PRKAR1B: variants seen among roughly 807,000 people sequenced by gnomAD.
The protein encoded by PRKAR1B is cAMP-dependent protein kinase type I-beta regulatory subunit.
PRKAR1B carries 22 observed loss-of-function variants against 46.5 expected under a neutral mutation model. The ratio of observed to expected loss-of-function variants is 0.47; its 90% CI spans 0.34 to 0.68. The LOEUF is 0.68. Among genes scored for constraint, PRKAR1B ranks in the 30% least tolerant of loss-of-function variants. PRKAR1B has a pLI of 0.01. For missense variants in PRKAR1B, 445 were observed against 535.6 expected, an observed-to-expected ratio of 0.83 and a Z score of 1.67; for synonymous variants, 259 against 217.7, an observed-to-expected ratio of 1.19 and a Z score of -1.67.
chr7:597,983 G>A (rs1781362127), intron 6 of PRKAR1B, among the ~76,000 whole-genome samples: 1 of 152,190 alleles, frequency 6.6e-6, no homozygotes, highest in Non-Finnish European at 1.5e-5. Flanking sequence ...AGAGGGATCC[G>A]GAGCTCACCC....
intron 4 of PRKAR1B, among the ~76,000 whole-genome samples, chr7:660,475 A>ACC (rs1785453255): frequency 1.7e-5 from 1 of 60,218 alleles, no homozygotes; most frequent in Non-Finnish European, 3.4e-5. Context: ...CTCTGCCCCC[A>ACC]ATGCCACAGG....
chr7:632,851 C>CCACAGG (rs112150908), intron 4 of PRKAR1B, among the ~76,000 whole-genome samples: 104,204 of 151,564 alleles, frequency 0.69, 36,171 homozygotes, highest in South Asian at 0.87. Flanking sequence ...GTGTGCCCAG[C>CCACAGG]CACAGCCTCA....
chr7:612,886 G>C (rs1019897559), intron 4 of PRKAR1B, among the ~76,000 whole-genome samples: 1 of 152,120 alleles, frequency 6.6e-6, no homozygotes, highest in South Asian at 2.1e-4. Context: ...ATTCACCGAA[G>C]CACTGTCAGC....
At chr7:693,228 T>C (rs116388265) in intron 2 of PRKAR1B, among the ~76,000 whole-genome samples, 4,950 of 149,114 alleles carry the variant, frequency 0.033, 311 homozygotes, top group African/African-American at 0.12. Context: ...AGCCAGTGGG[T>C]CCTGTCGAGC....
chr7:631,383 A>G (rs1783728268), intron 4 of PRKAR1B, among the ~76,000 whole-genome samples: 1 of 152,198 alleles, frequency 6.6e-6, no homozygotes, highest in South Asian at 2.1e-4. Context: ...TCAGGCCCAG[A>G]CAGGGGTGGT....
At chr7:638,476 G>C (rs895230120) in intron 4 of PRKAR1B, among the ~76,000 whole-genome samples, 2 of 152,140 alleles carry the variant, frequency 1.3e-5, no homozygotes, top group African/African-American at 4.8e-5. Context: ...CTCTCCCCGA[G>C]GGTCTCTCCT....
At chr7:715,930 T>A (rs1027901691) in intron 1 of PRKAR1B, among the ~76,000 whole-genome samples, 1 of 152,176 alleles carries the variant, frequency 6.6e-6, no homozygotes, top group Non-Finnish European at 1.5e-5. Flanking sequence ...TTAGCCAGGA[T>A]GGTCTCGGTC....
intron 7 of PRKAR1B, among the ~76,000 whole-genome samples, chr7:585,966 C>A (rs1456296963): frequency 6.6e-6 from 1 of 152,184 alleles, no homozygotes; most frequent in East Asian, 1.9e-4. Context: ...CCCACCTGTG[C>A]AACTGACCAA....
chr7:728,666 C>G (rs372361170), upstream of PRKAR1B, among the ~76,000 whole-genome samples: 29 of 152,210 alleles, frequency 1.9e-4, no homozygotes, highest in African/African-American at 6.8e-4. Context: ...CCCACGAGCT[C>G]CCTCCCTGGA....
intron 1 of PRKAR1B, among the ~76,000 whole-genome samples, chr7:715,252 C>T (rs1324845531): frequency 2.6e-5 from 4 of 152,128 alleles, no homozygotes; most frequent in Non-Finnish European, 5.9e-5. Context: ...TGTTAGTCGC[C>T]ACTGAGGACA....
chr7:645,121 C>G (rs561414734), intron 4 of PRKAR1B, among the ~76,000 whole-genome samples: 3 of 152,154 alleles, frequency 2.0e-5, no homozygotes, highest in African/African-American at 4.8e-5. Context: ...TCACACCCCT[C>G]GCGGAGGCCA....
At position 712,074 on chromosome 7, in the gene PRKAR1B, T is replaced by A. The variant is rs868258573; in HGVS notation, c.-22-547A>T. On this transcript the variant is annotated intron_variant, in intron 1 of 10. Transcript: ENST00000537384. ...AGCTGGCGGTGGTGGGGGGGTGGGG[T>A]GCGGGAGAACAAATGCGGCGGCCGC... Among the ~76,000 whole-genome samples, 859 of 139,768 alleles carry A rather than the reference T, an allele frequency of 6.1e-3. 11 individuals carry two copies. Among genetic ancestry groups the A allele is most frequent in the African/African-American group, 0.022 (816 of 37,444 alleles). The allele number at this position is 139,768 out of a possible 152,430, so 91.7% of individuals were successfully genotyped here. A position where few individuals can be genotyped will look rare whatever the true frequency, so the allele number is the denominator to read the frequency against.
intron 4 of PRKAR1B, among the ~76,000 whole-genome samples, chr7:647,378 C>T (rs953599714): frequency 3.9e-5 from 6 of 152,104 alleles, no homozygotes; most frequent in African/African-American, 9.7e-5. Context: ...CCTGCTGCCC[C>T]GTAGCCTCCT....
At chr7:555,593 A>C (rs936735871) in intron 9 of PRKAR1B, among the ~76,000 whole-genome samples, 1 of 152,156 alleles carries the variant, frequency 6.6e-6, no homozygotes, top group Non-Finnish European at 1.5e-5. Context: ...CAGCCCGACC[A>C]GGGAGGGACT....
intron 2 of PRKAR1B, among the ~76,000 whole-genome samples, chr7:684,717 G>A (rs1778907995): frequency 6.6e-6 from 1 of 152,324 alleles, no homozygotes; most frequent in Non-Finnish European, 1.5e-5. Context: ...CAGGTGTCCT[G>A]TGGCTGCTCC....
chr7:711,245 G>A (rs1305570506), intron 2 of PRKAR1B, 84 bp downstream of exon 2: 7 of 1,541,848 alleles, frequency 4.5e-6, no homozygotes, highest in Non-Finnish European at 5.3e-6. Context: ...CGAGGACCAC[G>A]GGACAGAGGG....
intron 4 of PRKAR1B, among the ~76,000 whole-genome samples, chr7:611,972 CGGAT>C (rs879656596): frequency 6.5e-5 from 8 of 123,902 alleles, no homozygotes; most frequent in South Asian, 5.5e-4. Flanking sequence ...AGTAGATCAA[CGGAT>C]GGATGGATGG....
intron 2 of PRKAR1B, among the ~76,000 whole-genome samples, chr7:682,550 C>G (rs561492937): frequency 6.6e-6 from 1 of 152,188 alleles, no homozygotes; most frequent in African/African-American, 2.4e-5. Context: ...TCGAGACCAT[C>G]TTGGCTAACA....
At chr7:691,751 G>A (rs956327270) in intron 2 of PRKAR1B, 123 of 1,228,602 alleles carry the variant, frequency 1.0e-4, no homozygotes, top group Non-Finnish European at 1.2e-4. Context: ...GTGCTGAGGG[G>A]ATGGACCACA....
Sources: gnomAD v4.1 joint callset for allele counts (sites outside exome capture counted in the v4.1 genomes callset) on GRCh38, gnomAD v4.1.1 for gene constraint, MANE v1.5 for transcripts, NCBI Gene and HGNC (gene_info 2026-07-23, HGNC 2026-07-21) for gene names.